Variants in GOLGA2 observed in about 807,000 individuals in gnomAD.
GOLGA2 encodes golgin subfamily A member 2.
GOLGA2 carries 49 observed loss-of-function variants against 148.8 expected under a neutral mutation model. That is an observed-to-expected ratio of 0.33 (90% CI 0.26 to 0.42). The LOEUF (loss-of-function observed/expected upper bound fraction) is 0.42. Among genes scored for constraint, GOLGA2 ranks in the 10% least tolerant of loss-of-function variants. GOLGA2 has a pLI of 1.00. For synonymous variants in GOLGA2, 501 were observed against 511.8 expected, an observed-to-expected ratio of 0.98 and a Z score of 0.28; for missense variants, 1,178 against 1,304.6, an observed-to-expected ratio of 0.90 and a Z score of 1.49.
Position 128,261,432 on chromosome 9 carries a change from G to C in GOLGA2, c.1332+22C>G. The C allele has an allele frequency of 1.4e-6, 2 of 1,384,024 alleles. No individual in the cohort carries two copies. Among genetic ancestry groups the C allele is most frequent in the South Asian group, 2.3e-5 (2 of 86,540 alleles). 85.7% of individuals were successfully genotyped at this position (1,384,024 alleles called of 1,614,324 possible). On this transcript the variant is annotated intron_variant, in intron 16 of 26. Coordinates refer to ENST00000611957, the MANE Select transcript of GOLGA2 (RefSeq NM_001366244.2). The surrounding 1 kb of genome is among the most constrained non-coding windows in gnomAD (Gnocchi z 5.7). ...AAGTGACCTATCTAAGGTTGAGGGG[G>C]AGCTGAAGGGTCAGGTCTCACCTGC... is the stretch of plus-strand genomic sequence containing the variant.
Position 128,265,703 on chromosome 9 carries a change from G to C in GOLGA2, c.827-12C>G, listed in dbSNP as rs7871866. The C allele has an allele frequency of 0.16, 259,206 of 1,612,470 alleles. 21,707 individuals carry two copies. The highest frequency in any genetic ancestry group is 0.24 in the South Asian group (21,399 of 91,044). On this transcript the variant is annotated splice_polypyrimidine_tract_variant and intron_variant, in intron 11 of 26. Transcript: ENST00000611957. ...ATCTTCAGACTCTCCTGGAATGAGAGAGGTTGAGATGGGGCCCAAAGGACT... is the reference window on the plus strand; with the variant it reads ...ATCTTCAGACTCTCCTGGAATGAGACAGGTTGAGATGGGGCCCAAAGGACT...
chr9:128,257,982 G>T lies in GOLGA2; in HGVS notation c.2506C>A (p.Gln836Lys), dbSNP rs752627242. The change falls in exon 23 of 27, where the codon CAG (glutamine) becomes AAG (lysine). Residue 836 changes from glutamine to lysine, a missense_variant and splice_region_variant. Coordinates refer to ENST00000611957, the MANE Select transcript of GOLGA2 (RefSeq NM_001366244.2). The surrounding 1 kb of genome is among the most constrained non-coding windows in gnomAD (Gnocchi z 8.0). Reference protein sequence around the residue: ...RALQGAMEKLQSRFMELMQEK... With the variant: ...RALQGAMEKLKSRFMELMQEK... ...CATGCCAGGAGAGACTCATTCACCT[G>T]CAGCTTCTCCATGGCCCCCTGCAGG... 1.3e-6 allele frequency: 2 copies of T among 1,599,634 alleles called. No individual in the cohort carries two copies. Among genetic ancestry groups the T allele is most frequent in the Non-Finnish European group, 1.7e-6 (2 of 1,170,706 alleles).
In GOLGA2 at chr9:128,269,336, A is replaced by C. The variant is rs540900862; in HGVS notation, c.289-812T>G. Among the ~76,000 whole-genome samples the C allele has an allele frequency of 1.1e-4, 17 of 151,900 alleles. No individual in the cohort carries two copies. The South Asian group carries it at 3.5e-3, about 32-fold the overall frequency. ...AGACTCTCTCCAACTCTCTGGAGGT[A>C]AAAAGAGGATAAACCATGGCCAACA... On this transcript the variant is annotated intron_variant, in intron 3 of 26. Transcript: ENST00000611957.
At position 128,267,174 on chromosome 9, in the gene GOLGA2, G is replaced by A; in HGVS notation, c.642+20C>T. ...CCAGGATTAGCAGCATGGAATCAGG[G>A]GACCCCACTGGACTCTTACCAATTT... On this transcript the variant is annotated intron_variant, in intron 8 of 26. Transcript: ENST00000611957. 7.1e-7 allele frequency: 1 copy of A among 1,414,612 alleles called. No individual in the cohort carries two copies. The highest frequency in any genetic ancestry group is 1.0e-6 in the Non-Finnish European group (1 of 998,164). The allele number at this position is 1,414,612 out of a possible 1,614,324, so 87.6% of individuals were successfully genotyped here.
chr9:128,267,255 G>A lies in GOLGA2; in HGVS notation c.581C>T (p.Ala194Val). 1 of 1,609,854 alleles carries A rather than the reference G, an allele frequency of 6.2e-7. No individual in the cohort carries two copies. Among genetic ancestry groups the A allele is most frequent in the Non-Finnish European group, 8.5e-7 (1 of 1,176,110 alleles). ...TACATAGCTGGAGTCCAGGGCTACC[G>A]CTAGCTGTTGGTACCGGCTCTGAGG... The part of the protein sequence containing the change: ...KDLESRYQQL[A>V]VALDSSYVTN... The change falls in exon 8 of 27, where the codon GCG becomes GTG. Residue 194 changes from alanine (A) to valine (V), a missense_variant. Transcript: ENST00000611957.
Position 128,256,909 on chromosome 9 carries a change from T to TGATCTTCACCTCATCTGCACC in GOLGA2, c.*137_*157dup, listed in dbSNP as rs1829900340. On this transcript the variant is annotated 3_prime_UTR_variant, in exon 27 of 27. Transcript: ENST00000611957. ...TTAGTGGCCAGCTTTTAGATGACAG[T>TGATCTTCACCTCATCTGCACC]GATCTTCACCTCATCTGCACCTGTC... The TGATCTTCACCTCATCTGCACC allele has an allele frequency of 1.7e-6, 1 of 576,046 alleles. No homozygotes were observed. Among genetic ancestry groups the TGATCTTCACCTCATCTGCACC allele is most frequent in the Non-Finnish European group, 3.1e-6 (1 of 321,508 alleles). 35.7% of individuals were successfully genotyped at this position (576,046 alleles called of 1,614,324 possible).
At position 128,257,206 on chromosome 9, in the gene GOLGA2, T is replaced by C. The variant is rs753300430; in HGVS notation, c.2951A>G (p.Asn984Ser). 3.7e-6 allele frequency: 6 copies of C among 1,613,790 alleles called. No individual in the cohort carries two copies. Among genetic ancestry groups the C allele is most frequent in the East Asian group, 2.2e-5 (1 of 44,886 alleles). The change falls in exon 27 of 27, where the codon AAC (asparagine) becomes AGC (serine). Residue 984 changes from asparagine (N) to serine (S), a missense_variant. Coordinates refer to ENST00000611957, the MANE Select transcript of GOLGA2 (RefSeq NM_001366244.2). This position sits in a 1 kb window ranked among gnomAD's most constrained non-coding sequence, Gnocchi z 8.0. ...CTGCATGATCTGCTGTGCAGTGGGGTTGTCACGGGGAGAACCCTCCCTGGC... is the reference window on the plus strand; with the variant it reads ...CTGCATGATCTGCTGTGCAGTGGGGCTGTCACGGGGAGAACCCTCCCTGGC... ...GEAREGSPRDNPTAQQIMQLL... is the reference protein window; with the variant it reads ...GEAREGSPRDSPTAQQIMQLL...
rs1476052687 is a variant in GOLGA2, at chr9:128,259,397, G to C, written c.1873-6C>G. The stretch of plus-strand genomic sequence containing the variant: ...TCTTGGCTCTTCAGCTCCACCTGTA[G>C]GAAGACCCTGGGCGTGAGGGCAGGT... On this transcript the variant is annotated splice_polypyrimidine_tract_variant and splice_region_variant and intron_variant, in intron 19 of 26. Coordinates refer to ENST00000611957, the MANE Select transcript of GOLGA2 (RefSeq NM_001366244.2). 3.2e-6 allele frequency: 5 copies of C among 1,557,002 alleles called. No homozygotes were observed. The African/African-American group carries it at 4.1e-5, about 13-fold the overall frequency.
At chr9:128,268,566 G>C (rs912367934) in intron 3 of GOLGA2, 42 bp from the exon 4 acceptor site, 4 of 1,060,792 alleles carry the variant, frequency 3.8e-6, no homozygotes, top group South Asian at 2.5e-5. Flanking sequence ...CCATGCGGGA[G>C]AGGTGCCTCA....
chr9:128,269,814 G>A (rs1343174246), intron 3 of GOLGA2, among the ~76,000 whole-genome samples: 1 of 152,206 alleles, frequency 6.6e-6, no homozygotes, highest in Non-Finnish European at 1.5e-5. Context: ...GGACCCTTCA[G>A]CCCTGGCTTC....
chr9:128,267,900 C>T (rs1324355548), intron 6 of GOLGA2, 34 bp downstream of exon 6: 4 of 1,530,350 alleles, frequency 2.6e-6, no homozygotes, highest in African/African-American at 1.4e-5. Context: ...TTCCCTTCCC[C>T]CCACCCCGCT....
rs1483441182 is a variant in GOLGA2 at position 128,275,844 on chromosome 9, G to A, written c.84+49C>T. The A allele has an allele frequency of 3.1e-6, 3 of 967,762 alleles. No individual in the cohort carries two copies. In the African/African-American group the frequency reaches 5.0e-5, roughly 16 times the overall value. 59.9% of individuals were successfully genotyped at this position (967,762 alleles called of 1,614,324 possible). ...AGACTCTGGCCATGGTCCTGCCATC[G>A]GAGTGGGGCTGGGGCTGGGTCGGGG... On this transcript the variant is annotated intron_variant, in intron 1 of 26. Coordinates refer to ENST00000611957, the MANE Select transcript of GOLGA2 (RefSeq NM_001366244.2).
intron 14 of GOLGA2, 28 bp downstream of exon 14, chr9:128,262,532 TCCC>T (rs1401184729): frequency 6.2e-7 from 1 of 1,605,268 alleles, no homozygotes; most frequent in Admixed American, 1.7e-5. Context: ...TGGATGGCGC[TCCC>T]ACCACCCATG....
chr9:128,272,188 A>G (rs1008439796), intron 3 of GOLGA2, among the ~76,000 whole-genome samples: 1 of 151,730 alleles, frequency 6.6e-6, no homozygotes, highest in African/African-American at 2.4e-5. Context: ...AAAAGCCCAA[A>G]TCCCAGAATC....
At position 128,267,290 on chromosome 9, in the gene GOLGA2, AGAG is replaced by A. The variant is rs775430237; in HGVS notation, c.562-19_562-17del. On this transcript the variant is annotated splice_polypyrimidine_tract_variant and intron_variant, in intron 7 of 26. Transcript: ENST00000611957. ...GGTACCGGCTCTGAGGCGCATGCAG[AGAG>A]GAGGAGTTGGAGGAGGATTGGGGGG... 10 of 1,580,134 alleles carry A rather than the reference AGAG, an allele frequency of 6.3e-6. No individual in the cohort carries two copies. In the African/African-American group the frequency reaches 6.7e-5, roughly 11 times the overall value.
At chr9:128,275,384 C>T (rs1831257845) in intron 1 of GOLGA2, 3 of 1,286,128 alleles carry the variant, frequency 2.3e-6, no homozygotes, top group Non-Finnish European at 3.0e-6. Context: ...AACATCAGCG[C>T]GACGTCCAAG....
chr9:128,258,837 T>TG lies in GOLGA2; in HGVS notation c.2173+169dup, dbSNP rs1430993640. ...CACCCATCCTTAGGTAAGCTGGTAG[T>TG]GCCCTGCTCCCAGGAAGTCACCATA... On this transcript the variant is annotated intron_variant, in intron 21 of 26. Transcript: ENST00000611957. This position sits in a 1 kb window ranked among gnomAD's most constrained non-coding sequence, Gnocchi z 6.6. 2 of 634,840 alleles carry TG rather than the reference T, an allele frequency of 3.2e-6. No individual in the cohort carries two copies. Among genetic ancestry groups the TG allele is most frequent in the Non-Finnish European group, 5.5e-6 (2 of 361,430 alleles). The allele number at this position is 634,840 out of a possible 1,614,324, so 39.3% of individuals were successfully genotyped here.
rs1283592754 is a variant in GOLGA2, at chr9:128,262,298, A to G, written c.1134+265T>C. Among the ~76,000 whole-genome samples the G allele has an allele frequency of 2.0e-5, 3 of 152,050 alleles. No homozygotes were observed. The East Asian group carries it at 5.8e-4, about 29-fold the overall frequency. ...TAGCCATATAAATGTAATCTCTAAAATAATGGTTTTCACCCATGATGCTTT... is the reference window on the plus strand; with the variant it reads ...TAGCCATATAAATGTAATCTCTAAAGTAATGGTTTTCACCCATGATGCTTT... On this transcript the variant is annotated intron_variant, in intron 14 of 26. Transcript: ENST00000611957.
chr9:128,261,672 CCCAGGTGTGCTT>C lies in GOLGA2; in HGVS notation c.1208_1219del (p.Glu403_Leu406del), dbSNP rs1443638084. The C allele has an allele frequency of 6.2e-7, 1 of 1,606,536 alleles. No homozygotes were observed. Among genetic ancestry groups the C allele is most frequent in the East Asian group, 2.2e-5 (1 of 44,854 alleles). ...CCCTCCCCTGCAAAGCCTCACCTGC[CCCAGGTGTGCTT>C]CCAGCTGTGCCCGCTCCTCCATGGC... On this transcript the variant is annotated inframe_deletion, in exon 15 of 27. Coordinates refer to ENST00000611957, the MANE Select transcript of GOLGA2 (RefSeq NM_001366244.2). The surrounding 1 kb of genome is among the most constrained non-coding windows in gnomAD (Gnocchi z 5.7).
Sources: gnomAD v4.1 joint callset for allele counts (sites outside exome capture counted in the v4.1 genomes callset) on GRCh38, gnomAD v4.1.1 for gene constraint, Gnocchi (gnomAD v3.1) non-coding constraint, MANE v1.5 for transcripts, NCBI Gene and HGNC (gene_info 2026-07-23, HGNC 2026-07-21) for gene names.